AFAP1: variants seen among roughly 807,000 people sequenced by gnomAD.
AFAP1 encodes actin filament associated protein 1, also known as actin filament-associated protein 1.
A neutral mutation model predicts 93.9 loss-of-function variants in AFAP1; 75 were observed. The ratio of observed to expected loss-of-function variants is 0.80; its 90% confidence interval spans 0.66 to 0.97. The LOEUF is 0.97. Among genes scored for constraint, AFAP1 ranks in the 50% least tolerant of loss-of-function variants. The pLI is 0.00. For synonymous variants in AFAP1, 517 were observed against 430.7 expected (o/e 1.20, Z -2.48); for missense variants, 1,201 against 1,050.8 (o/e 1.14, Z -1.98).
chr4:7,837,523 G>GT (rs1227958636), intron 6 of AFAP1, among the ~76,000 whole-genome samples: 1 of 152,174 alleles, frequency 6.6e-6, no homozygotes, highest in Non-Finnish European at 1.5e-5. Context: ...CTCCAGAACC[G>GT]TGAGAAATAC....
Position 7,809,596 on chromosome 4 carries a change from C to G in AFAP1, c.1054+18G>C. ...CACTTAGGTGCACGCTGCTCGTCTC[C>G]GGGAAGCGCAGTCTTACCGCAGGTG... On this transcript the variant is annotated intron_variant, in intron 9 of 17. Coordinates refer to ENST00000420658, the MANE Select transcript of AFAP1 (RefSeq NM_001134647.2). 5 of 1,606,326 alleles carry G rather than the reference C, an allele frequency of 3.1e-6. No individual in the cohort carries two copies. The highest frequency in any genetic ancestry group is 4.3e-6 in the Non-Finnish European group (5 of 1,176,184).
chr4:7,834,108 C>CACACACACACAT (rs1359225433), intron 6 of AFAP1, among the ~76,000 whole-genome samples: 1 of 137,404 alleles, frequency 7.3e-6, no homozygotes, highest in Non-Finnish European at 1.5e-5. Flanking sequence ...CACACACACA[C>CACACACACACAT]ACACACACAC....
chr4:7,811,819 G>A (rs1720072946), intron 8 of AFAP1, among the ~76,000 whole-genome samples: 1 of 152,052 alleles, frequency 6.6e-6, no homozygotes, highest in South Asian at 2.1e-4. Flanking sequence ...CGCAGTCTGT[G>A]GTATTCTGTT....
At chr4:7,839,072 C>A (rs1221405189) in intron 5 of AFAP1, among the ~76,000 whole-genome samples, 1 of 152,180 alleles carries the variant, frequency 6.6e-6, no homozygotes, top group African/African-American at 2.4e-5. Flanking sequence ...CGATGGCTCA[C>A]GCCTGTAATC....
intron 9 of AFAP1, among the ~76,000 whole-genome samples, chr4:7,802,639 CTTTTTTTTTTTT>C (rs60126839): frequency 3.1e-5 from 4 of 127,898 alleles, no homozygotes; most frequent in East Asian, 5.2e-4. Context: ...TACATTTATT[CTTTTTTTTTTTT>C]TTTTTTTGAG....
At chr4:7,885,057 T>C (rs979712970) in intron 1 of AFAP1, among the ~76,000 whole-genome samples, 3 of 152,158 alleles carry the variant, frequency 2.0e-5, no homozygotes, top group African/African-American at 7.2e-5. Flanking sequence ...CAAAAGCTCA[T>C]CTCATCGCTC....
At chr4:7,772,727 G>A (rs192670059) in intron 16 of AFAP1, 93 bp downstream of exon 16, 24 of 1,233,030 alleles carry the variant, frequency 1.9e-5, no homozygotes, top group African/African-American at 4.5e-5. Context: ...AGCAAGCTAC[G>A]CCCCAGAGCC....
At chr4:7,853,568 A>G (rs1714702098) in intron 4 of AFAP1, among the ~76,000 whole-genome samples, 1 of 152,174 alleles carries the variant, frequency 6.6e-6, no homozygotes, top group Non-Finnish European at 1.5e-5. Context: ...GACACAGCAG[A>G]AACTGCCCGT....
chr4:7,939,082 G>T lies in AFAP1; in HGVS notation c.-3+574C>A. Reference sequence around the variant, plus strand: ...CCCAGACGAGCCACGGGGCGGCGCAGAGCCCCACTCGCAGGGCGGCCGGGA... The same window carrying T: ...CCCAGACGAGCCACGGGGCGGCGCATAGCCCCACTCGCAGGGCGGCCGGGA... On this transcript the variant is annotated intron_variant, in intron 1 of 17. Transcript: ENST00000420658. This position sits in a 1 kb window ranked among gnomAD's most constrained non-coding sequence, Gnocchi z 5.6. 6.3e-6 allele frequency: 1 copy of T among 159,418 alleles called. No homozygotes were observed. The highest frequency in any genetic ancestry group is 1.4e-5 in the Non-Finnish European group (1 of 71,486). The allele number at this position is 159,418 out of a possible 1,614,324, so 9.9% of individuals were successfully genotyped here.
At position 7,760,223 on chromosome 4, in the gene AFAP1, A is replaced by C. The variant is rs1713590366; in HGVS notation, c.*3542T>G. The C allele has an allele frequency of 6.6e-6, 1 of 152,240 alleles. No homozygotes were observed. Among genetic ancestry groups the C allele is most frequent in the Non-Finnish European group, 1.5e-5 (1 of 68,038 alleles). The allele number at this position is 152,240 out of a possible 1,614,324, so 9.4% of individuals were successfully genotyped here. On this transcript the variant is annotated 3_prime_UTR_variant, in exon 18 of 18. Transcript: ENST00000420658. Reference sequence around the variant, plus strand: ...TGAAACAGACTTTTCAAAAGGAGTAAATCTCCACATTTTAGGGTAGTTTTT... The same window carrying C: ...TGAAACAGACTTTTCAAAAGGAGTACATCTCCACATTTTAGGGTAGTTTTT...
At chr4:7,927,296 C>T (rs1720817755) in intron 1 of AFAP1, among the ~76,000 whole-genome samples, 1 of 152,182 alleles carries the variant, frequency 6.6e-6, no homozygotes, top group African/African-American at 2.4e-5. Context: ...CAGCTAAGAG[C>T]TCCGAAGCCA....
At chr4:7,783,707 T>C (rs764850934) in intron 12 of AFAP1, among the ~76,000 whole-genome samples, 13 of 152,198 alleles carry the variant, frequency 8.5e-5, no homozygotes, top group Non-Finnish European at 1.6e-4. Flanking sequence ...GGGTGGCCTG[T>C]AGAGTGTCAT....
In AFAP1 at chr4:7,939,698, C is replaced by T; in HGVS notation, c.-45G>A. The T allele has an allele frequency of 2.4e-6, 1 of 415,050 alleles. No homozygotes were observed. The highest frequency in any genetic ancestry group is 1.6e-5 in the South Asian group (1 of 60,744). The allele number at this position is 415,050 out of a possible 1,614,324, so 25.7% of individuals were successfully genotyped here. ...CAGCGCTCGCTCCTCGCCGCGGCGC[C>T]TGGGCCGACTGGAGCGCAGCTGAAC... On this transcript the variant is annotated 5_prime_UTR_variant, in exon 1 of 18. Coordinates refer to ENST00000420658, the MANE Select transcript of AFAP1 (RefSeq NM_001134647.2). This position sits in a 1 kb window ranked among gnomAD's most constrained non-coding sequence, Gnocchi z 5.6.
At chr4:7,816,376 A>C (rs942129508) in intron 7 of AFAP1, among the ~76,000 whole-genome samples, 9 of 152,224 alleles carry the variant, frequency 5.9e-5, no homozygotes, top group Admixed American at 2.6e-4. Context: ...ATTTCATTCA[A>C]ATCACTTCTT....
chr4:7,876,212 G>A (rs62289337), intron 1 of AFAP1, among the ~76,000 whole-genome samples: 49,930 of 152,104 alleles, frequency 0.33, 9,466 homozygotes, highest in Non-Finnish European at 0.44. Context: ...CCATGAGGCC[G>A]CTGTGCAAAA....
At chr4:7,884,256 G>A (rs13151529) in intron 1 of AFAP1, among the ~76,000 whole-genome samples, 65,100 of 152,000 alleles carry the variant, frequency 0.43, 16,597 homozygotes, top group Non-Finnish European at 0.6. Flanking sequence ...AGAACTATGA[G>A]CCAATTAAAT....
chr4:7,864,164 C>CACCTTCCCAACTTCCCATCACAA (rs1314891559), intron 3 of AFAP1, among the ~76,000 whole-genome samples: 15 of 152,028 alleles, frequency 9.9e-5, no homozygotes, highest in East Asian at 5.8e-4. Context: ...CTCATCACAA[C>CACCTTCCCAACTTCCCATCACAA]CCACAGGTCC....
chr4:7,807,425 G>A (rs542756743), intron 9 of AFAP1, among the ~76,000 whole-genome samples: 1 of 152,152 alleles, frequency 6.6e-6, no homozygotes, highest in South Asian at 2.1e-4. Context: ...TCCCCATTCC[G>A]TGCTACAGCT....
chr4:7,807,054 T>A lies in AFAP1; in HGVS notation c.1054+2560A>T, dbSNP rs148181958. 2.2e-4 allele frequency among the ~76,000 whole-genome samples: 33 copies of A among 152,310 alleles called. No homozygotes were observed. In the East Asian group the frequency reaches 6.2e-3, roughly 29 times the overall value. Reference sequence around the variant, plus strand: ...CTCTGTTCTCAGCTCGCTGTGTGGCTCCGAGCAAGCCATACAAGCTCTCTG... The same window carrying A: ...CTCTGTTCTCAGCTCGCTGTGTGGCACCGAGCAAGCCATACAAGCTCTCTG... On this transcript the variant is annotated intron_variant, in intron 9 of 17. Coordinates refer to ENST00000420658, the MANE Select transcript of AFAP1 (RefSeq NM_001134647.2).
Sources: gnomAD v4.1 joint callset for allele counts (sites outside exome capture counted in the v4.1 genomes callset) on GRCh38, gnomAD v4.1.1 for gene constraint, Gnocchi (gnomAD v3.1) non-coding constraint, MANE v1.5 for transcripts, NCBI Gene and HGNC (gene_info 2026-07-23, HGNC 2026-07-21) for gene names.